The following ADAMTS9 variants were observed in gnomAD, a reference collection of about 807,000 sequenced individuals.
The protein encoded by ADAMTS9 is A disintegrin and metalloproteinase with thrombospondin motifs 9.
Under a neutral mutation model 257.1 loss-of-function variants are expected in ADAMTS9, and 107 were observed. The observed-to-expected ratio is 0.42, with a 90% confidence interval of 0.36 to 0.49. The LOEUF (loss-of-function observed/expected upper bound fraction) is 0.49. ADAMTS9 is among the 20% of genes least tolerant of loss of function. ADAMTS9 has a pLI of 0.03. For missense variants in ADAMTS9, 2,353 were observed against 2,469.1 expected (o/e 0.95, Z 1.00); for synonymous variants, 982 against 880.9 (o/e 1.11, Z -2.03).
At chr3:64,531,208 C>T (rs557798190) in intron 38 of ADAMTS9, among the ~76,000 whole-genome samples, 1 of 152,228 alleles carries the variant, frequency 6.6e-6, no homozygotes, top group South Asian at 2.1e-4. Context: ...AAAAAGAGAT[C>T]AGGAAACAGA....
chr3:64,579,708 C>T (rs2083945329), intron 28 of ADAMTS9, among the ~76,000 whole-genome samples: 1 of 152,148 alleles, frequency 6.6e-6, no homozygotes, highest in South Asian at 2.1e-4. Context: ...GAACCTAGAA[C>T]CACTTATCTC....
chr3:64,532,852 T>C (rs1461506934), intron 38 of ADAMTS9, among the ~76,000 whole-genome samples: 1 of 152,154 alleles, frequency 6.6e-6, no homozygotes, highest in Non-Finnish European at 1.5e-5. Flanking sequence ...GAAAGATATC[T>C]GAGCCACACT....
Position 64,561,760 on chromosome 3 carries a change from A to G in ADAMTS9, c.4525-9T>C. The G allele has an allele frequency of 6.6e-7, 1 of 1,506,850 alleles. No individual in the cohort carries two copies. The highest frequency in any genetic ancestry group is 8.9e-7 in the Non-Finnish European group (1 of 1,119,018). 93.3% of individuals were successfully genotyped at this position (1,506,850 alleles called of 1,614,324 possible). On this transcript the variant is annotated splice_polypyrimidine_tract_variant and intron_variant, in intron 29 of 39. Coordinates refer to ENST00000498707, the MANE Select transcript of ADAMTS9 (RefSeq NM_182920.2). ...CCACAGGACACAGAGCACTAAGAAG[A>G]CAGAGAACGTAAGTGGGAGCTTCGG...
chr3:64,594,795 C>CT (rs1044418432), intron 27 of ADAMTS9, among the ~76,000 whole-genome samples: 6 of 151,348 alleles, frequency 4.0e-5, no homozygotes, highest in African/African-American at 1.5e-4. Context: ...AAGATCCTTT[C>CT]TTTTTTTTTG....
intron 22 of ADAMTS9, among the ~76,000 whole-genome samples, chr3:64,609,195 C>T (rs2084621334): frequency 6.6e-6 from 1 of 152,044 alleles, no homozygotes; most frequent in Admixed American, 6.6e-5. Context: ...AAAAACTTTT[C>T]CCCACAAGAT....
Position 64,641,827 on chromosome 3 carries a change from G to A in ADAMTS9, c.1856+21C>T, listed in dbSNP as rs1428482624. 4 of 1,613,266 alleles carry A rather than the reference G, an allele frequency of 2.5e-6. No individual in the cohort carries two copies. The East Asian group carries it at 6.7e-5, about 27-fold the overall frequency. ...TGTTCCTGCCACGGCAGTAATAACA[G>A]TTATACATTCTAGGACTTACTCTGG... On this transcript the variant is annotated intron_variant, in intron 12 of 39. Transcript: ENST00000498707.
At chr3:64,614,045 T>TA (rs899345650) in intron 21 of ADAMTS9, among the ~76,000 whole-genome samples, 1 of 152,178 alleles carries the variant, frequency 6.6e-6, no homozygotes, top group Non-Finnish European at 1.5e-5. Context: ...TAGAAAAACA[T>TA]AAATGAAAAA....
At chr3:64,537,193 C>T (rs1265139635) in intron 37 of ADAMTS9, among the ~76,000 whole-genome samples, 5 of 152,140 alleles carry the variant, frequency 3.3e-5, no homozygotes, top group Non-Finnish European at 5.9e-5. Flanking sequence ...TTTGGGTTTT[C>T]TCATTTAGGA....
intron 27 of ADAMTS9, among the ~76,000 whole-genome samples, chr3:64,596,603 T>G (rs1038124032): frequency 2.0e-5 from 3 of 152,346 alleles, no homozygotes; most frequent in African/African-American, 7.2e-5. Flanking sequence ...AGTATTTATC[T>G]GTATTCTCAC....
chr3:64,621,431 A>G (rs937713202), intron 18 of ADAMTS9, among the ~76,000 whole-genome samples, 191 bp from the exon 19 acceptor site: 6 of 152,106 alleles, frequency 3.9e-5, no homozygotes, highest in Non-Finnish European at 7.3e-5. Flanking sequence ...TACATAAACA[A>G]AATTGTCATG....
At chr3:64,576,081 G>A (rs958216024) in intron 28 of ADAMTS9, among the ~76,000 whole-genome samples, 14 of 152,116 alleles carry the variant, frequency 9.2e-5, no homozygotes, top group Admixed American at 3.9e-4. Context: ...AGTTATATAC[G>A]TTGAAGATTC....
At chr3:64,672,724 TATGTCA>T (rs1370678460) in intron 3 of ADAMTS9, among the ~76,000 whole-genome samples, 2 of 152,164 alleles carry the variant, frequency 1.3e-5, no homozygotes, top group African/African-American at 4.8e-5. Context: ...GCATATTTCA[TATGTCA>T]ATGAGTTCTA....
At chr3:64,562,539 T>C (rs887630436) in intron 29 of ADAMTS9, among the ~76,000 whole-genome samples, 1 of 152,214 alleles carries the variant, frequency 6.6e-6, no homozygotes, top group African/African-American at 2.4e-5. Flanking sequence ...ATCTCACTTA[T>C]GGCCAGGCCA....
Position 64,607,060 on chromosome 3 carries a change from T to C in ADAMTS9, c.3374A>G (p.Gln1125Arg). The C allele has an allele frequency of 4.3e-6, 7 of 1,613,820 alleles. No homozygotes were observed. Among genetic ancestry groups the C allele is most frequent in the Non-Finnish European group, 5.9e-6 (7 of 1,179,788 alleles). Residue 1125 changes from glutamine (Q) to arginine (R), a missense_variant, in exon 23 of 40, where the codon CAG (glutamine) becomes CGG (arginine). By Grantham distance (43) the Gln-to-Arg change is conservative. Around this residue, in one of 3 missense-constraint regions of ADAMTS9, gnomAD observed 1,402 missense variants for 1,441.4 expected, o/e 0.97. Coordinates refer to ENST00000498707, the MANE Select transcript of ADAMTS9 (RefSeq NM_182920.2). ...TTTCACTGCTCTTAGCTGGTATCCC[T>C]GTCCACAAGTGACACTGCACTGGAA... ...PWGQCSVTCG[Q>R]GYQLRAVKCI...
At chr3:64,526,598 T>TA (rs1466185608) in intron 38 of ADAMTS9, among the ~76,000 whole-genome samples, 1 of 152,218 alleles carries the variant, frequency 6.6e-6, no homozygotes, top group African/African-American at 2.4e-5. Context: ...GCCTTCACGA[T>TA]ACAGGCAGAC....
intron 3 of ADAMTS9, among the ~76,000 whole-genome samples, chr3:64,663,293 G>T (rs1701270376): frequency 6.6e-6 from 1 of 152,028 alleles, no homozygotes; most frequent in South Asian, 2.1e-4. Context: ...TTAAAAAAGA[G>T]AAACTATATC....
chr3:64,654,620 C>G lies in ADAMTS9; in HGVS notation c.1170-8G>C, dbSNP rs765185453. On this transcript the variant is annotated splice_polypyrimidine_tract_variant and splice_region_variant and intron_variant, in intron 6 of 39. Transcript: ENST00000498707. ...GCTCTGCAGATATCCTGTCTGAAAG[C>G]AAAGCAGACTTAGGCCTTGATGACA... 5 of 1,613,944 alleles carry G rather than the reference C, an allele frequency of 3.1e-6. No individual in the cohort carries two copies. Among genetic ancestry groups the G allele is most frequent in the Non-Finnish European group, 4.2e-6 (5 of 1,179,992 alleles).
chr3:64,613,619 A>G (rs1196086363), intron 21 of ADAMTS9, 110 bp from the exon 22 acceptor site: 11 of 1,026,792 alleles, frequency 1.1e-5, no homozygotes, highest in Non-Finnish European at 1.5e-5. Context: ...CACAGCAATC[A>G]CTCTCCCATA....
chr3:64,561,026 G>C (rs2106644701), intron 30 of ADAMTS9, among the ~76,000 whole-genome samples: 1 of 150,530 alleles, frequency 6.6e-6, no homozygotes, highest in African/African-American at 2.4e-5. Flanking sequence ...GTCCACTTCT[G>C]CACGGACCAT....
Sources: gnomAD v4.1 joint callset for allele counts (sites outside exome capture counted in the v4.1 genomes callset) on GRCh38, gnomAD v4.1.1 for gene constraint, gnomAD v4.1.1 regional missense constraint, MANE v1.5 for transcripts, NCBI Gene and HGNC (gene_info 2026-07-23, HGNC 2026-07-21) for gene names.